The following NFIA variants were observed in gnomAD, a reference collection of about 807,000 sequenced individuals.
The protein encoded by NFIA is nuclear factor 1 A-type.
Under a neutral mutation model 62.8 loss-of-function variants are expected in NFIA, and 8 were observed. That is an observed-to-expected ratio of 0.13 (90% CI 0.07 to 0.23). The LOEUF is 0.23. NFIA is among the 10% of genes least tolerant of loss of function. The pLI is 1.00. For missense variants in NFIA, 410 were observed against 642.1 expected, an observed-to-expected ratio of 0.64 and a Z score of 3.91; for synonymous variants, 235 against 238.1, an observed-to-expected ratio of 0.99 and a Z score of 0.12.
intron 10 of NFIA, among the ~76,000 whole-genome samples, chr1:61,453,638 A>G (rs1668171243): frequency 6.6e-6 from 1 of 152,034 alleles, no homozygotes; most frequent in Non-Finnish European, 1.5e-5. Flanking sequence ...GAATTTCACA[A>G]CCGACTTAGA....
intron 3 of NFIA, among the ~76,000 whole-genome samples, chr1:61,298,505 A>G (rs1659316086): frequency 6.6e-6 from 1 of 152,216 alleles, no homozygotes; most frequent in Non-Finnish European, 1.5e-5. Context: ...CACTGTCACC[A>G]GAGCTTGCTT....
intron 10 of NFIA, among the ~76,000 whole-genome samples, chr1:61,431,843 G>A (rs1174255272): frequency 6.6e-6 from 1 of 152,146 alleles, no homozygotes; most frequent in East Asian, 1.9e-4. Context: ...TCATATTCCT[G>A]AAGCTCTACC....
chr1:61,305,896 G>A (rs530303743), intron 3 of NFIA, among the ~76,000 whole-genome samples: 11 of 146,914 alleles, frequency 7.5e-5, no homozygotes, highest in South Asian at 2.2e-4. Flanking sequence ...CGCCCAGGCC[G>A]AAGTGCAGTG....
At chr1:61,188,212 A>G (rs1651348740) in intron 2 of NFIA, among the ~76,000 whole-genome samples, 1 of 151,858 alleles carries the variant, frequency 6.6e-6, no homozygotes, top group African/African-American at 2.4e-5. Flanking sequence ...ACGCCAGCTA[A>G]TTTTTGTATT....
chr1:61,442,434 A>G (rs1411418104), intron 10 of NFIA, among the ~76,000 whole-genome samples: 2 of 152,216 alleles, frequency 1.3e-5, no homozygotes, highest in African/African-American at 2.4e-5. Flanking sequence ...ACTATCAACT[A>G]TTAAATCAAC....
At chr1:61,284,326 G>A (rs1658345827) in intron 3 of NFIA, among the ~76,000 whole-genome samples, 2 of 152,186 alleles carry the variant, frequency 1.3e-5, no homozygotes, top group East Asian at 3.8e-4. Context: ...GGTTTCATCT[G>A]AAATTTCATT....
At chr1:61,218,058 C>A (rs1653758896) in intron 2 of NFIA, among the ~76,000 whole-genome samples, 1 of 152,208 alleles carries the variant, frequency 6.6e-6, no homozygotes. Context: ...GCTCCTAAGG[C>A]ATGATTATAT....
chr1:61,144,377 G>A (rs334725), intron 2 of NFIA, among the ~76,000 whole-genome samples: 141,055 of 152,270 alleles, frequency 0.93, 65,512 homozygotes, highest in Middle Eastern at 0.97. Flanking sequence ...GCTCTCTGGA[G>A]AACTTTGTCT....
At chr1:61,170,504 G>A (rs543009255) in intron 2 of NFIA, among the ~76,000 whole-genome samples, 17 of 152,286 alleles carry the variant, frequency 1.1e-4, no homozygotes, top group African/African-American at 4.1e-4. Context: ...TCACAGTCGA[G>A]TCATAGCATT....
chr1:61,408,874 C>A (rs567341824), intron 9 of NFIA, among the ~76,000 whole-genome samples: 1 of 152,070 alleles, frequency 6.6e-6, no homozygotes, highest in East Asian at 1.9e-4. Context: ...TATTATCTGC[C>A]CAAACTCTTA....
intron 7 of NFIA, among the ~76,000 whole-genome samples, chr1:61,387,720 T>C (rs1443839862): frequency 1.3e-5 from 2 of 152,206 alleles, no homozygotes; most frequent in Non-Finnish European, 2.9e-5. Flanking sequence ...CCTCACACAG[T>C]GGGTTTTATG....
upstream of NFIA, among the ~76,000 whole-genome samples, chr1:61,079,649 T>C (rs1031887709): frequency 2.0e-5 from 3 of 152,208 alleles, no homozygotes; most frequent in Non-Finnish European, 4.4e-5. Flanking sequence ...GTCATTTATA[T>C]GATTGCAGTG....
chr1:61,079,047 T>C (rs1646065449), upstream of NFIA, among the ~76,000 whole-genome samples: 1 of 152,234 alleles, frequency 6.6e-6, no homozygotes, highest in Non-Finnish European at 1.5e-5. Flanking sequence ...CATCGAGCTA[T>C]TTCCCAAGGC....
At chr1:61,262,705 AAC>A (rs553893149) in intron 2 of NFIA, among the ~76,000 whole-genome samples, 217 of 152,314 alleles carry the variant, frequency 1.4e-3, no homozygotes, top group African/African-American at 5.1e-3. Flanking sequence ...GGAAAATGAA[AAC>A]ACACTCAGTG....
chr1:61,336,541 A>G lies in NFIA; in HGVS notation c.700+3955A>G, dbSNP rs1661618928. ...CGCATAATTAATAATTAAAGTCCAC[A>G]GTTTACCTTAGGGTTCACTCTTGTA... On this transcript the variant is annotated intron_variant, in intron 4 of 10. Coordinates refer to ENST00000403491, the MANE Select transcript of NFIA (RefSeq NM_001134673.4). Among the ~76,000 whole-genome samples, 5 of 152,224 alleles carry G rather than the reference A, an allele frequency of 3.3e-5. No individual in the cohort carries two copies. The South Asian group carries it at 8.3e-4, about 25-fold the overall frequency.
At chr1:61,357,170 C>A (rs1295748524) in intron 5 of NFIA, among the ~76,000 whole-genome samples, 2 of 152,226 alleles carry the variant, frequency 1.3e-5, no homozygotes, top group African/African-American at 4.8e-5. Flanking sequence ...CTGAACATAT[C>A]ACACTTCACT....
chr1:61,374,408 AT>A (rs938763995), intron 6 of NFIA, among the ~76,000 whole-genome samples: 2 of 151,876 alleles, frequency 1.3e-5, no homozygotes, highest in Admixed American at 6.6e-5. Flanking sequence ...ATGTAACACA[AT>A]TTTTTTTATT....
intron 2 of NFIA, among the ~76,000 whole-genome samples, chr1:61,276,274 G>A (rs903883132): frequency 2.6e-5 from 4 of 152,094 alleles, no homozygotes; most frequent in Admixed American, 1.3e-4. Context: ...TAATAAATTA[G>A]CATTTCTAGA....
upstream of NFIA, among the ~76,000 whole-genome samples, chr1:61,078,143 C>A (rs1646054897): frequency 6.6e-6 from 1 of 151,400 alleles, no homozygotes; most frequent in South Asian, 2.1e-4. Flanking sequence ...CCAGAGGGGG[C>A]GGGGCAGAGG....
Sources: gnomAD v4.1 joint callset for allele counts (sites outside exome capture counted in the v4.1 genomes callset) on GRCh38, gnomAD v4.1.1 for gene constraint, MANE v1.5 for transcripts, NCBI Gene and HGNC (gene_info 2026-07-23, HGNC 2026-07-21) for gene names.